SLC8A1: variants seen among roughly 807,000 people sequenced by gnomAD.
SLC8A1 encodes the protein sodium/calcium exchanger 1.
In SLC8A1, 18 loss-of-function variants were observed where a neutral mutation model predicts 68.3. The ratio of observed to expected loss-of-function variants is 0.26; its 90% CI spans 0.18 to 0.39. SLC8A1 has a LOEUF of 0.39. SLC8A1 is among the 10% of genes least tolerant of loss of function. SLC8A1 has a pLI of 1.00. For missense variants in SLC8A1, 985 were observed against 1,156.7 expected, an observed-to-expected ratio of 0.85 and a Z score of 2.15; for synonymous variants, 475 against 415.5, an observed-to-expected ratio of 1.14 and a Z score of -1.74.
intron 2 of SLC8A1, among the ~76,000 whole-genome samples, chr2:40,320,648 GAA>G (rs1461921809): frequency 1.3e-5 from 2 of 152,118 alleles, no homozygotes; most frequent in Non-Finnish European, 2.9e-5. Context: ...TCACTGTTAA[GAA>G]AAGTGTTAAG....
In SLC8A1 at chr2:40,488,700, A is replaced by G. The variant is rs538864286; in HGVS notation, c.-25+23649T>C. ...CCACCTGAAATCGTCTTGGATTTTA[A>G]AGGTTATTTAAATTCACATGAGTTC... On this transcript the variant is annotated intron_variant, in intron 1 of 7. Transcript: ENST00000402441. Among the ~76,000 whole-genome samples, 79 of 152,254 alleles carry G rather than the reference A, an allele frequency of 5.2e-4. 1 individual carries two copies. The highest frequency in any genetic ancestry group is 8.2e-4 in the Non-Finnish European group (56 of 68,010).
intron 7 of SLC8A1, among the ~76,000 whole-genome samples, chr2:40,118,772 G>A (rs1354350565): frequency 6.6e-6 from 1 of 151,982 alleles, no homozygotes; most frequent in Non-Finnish European, 1.5e-5. Flanking sequence ...CTGGCTGGTG[G>A]TGAACAGATG....
intron 2 of SLC8A1, among the ~76,000 whole-genome samples, chr2:40,284,824 A>G (rs1298921311): frequency 6.6e-6 from 1 of 151,992 alleles, no homozygotes; most frequent in Non-Finnish European, 1.5e-5. Context: ...GGTTTATGCA[A>G]TTGAGCAGTA....
intron 2 of SLC8A1, among the ~76,000 whole-genome samples, chr2:40,251,978 G>A (rs866689094): frequency 1.3e-5 from 2 of 151,662 alleles, no homozygotes; most frequent in South Asian, 4.2e-4. Flanking sequence ...CTATTATAAA[G>A]TTTAGTGAGA....
chr2:40,466,538 T>C (rs1474775744), intron 1 of SLC8A1, among the ~76,000 whole-genome samples: 1 of 152,326 alleles, frequency 6.6e-6, no homozygotes, highest in East Asian at 1.9e-4. Flanking sequence ...TAGGTGCTGG[T>C]AAATCCACAA....
intron 6 of SLC8A1, among the ~76,000 whole-genome samples, chr2:40,151,258 G>C (rs1254030416): frequency 7.5e-6 from 1 of 132,682 alleles, no homozygotes; most frequent in Non-Finnish European, 1.6e-5. Context: ...AACATGGCGT[G>C]TGTATGGTGC....
chr2:40,338,480 G>A (rs900910829), intron 2 of SLC8A1, among the ~76,000 whole-genome samples: 2 of 152,096 alleles, frequency 1.3e-5, no homozygotes, highest in Non-Finnish European at 2.9e-5. Context: ...ATTACTCTGA[G>A]ATAAAATGCA....
intron 7 of SLC8A1, among the ~76,000 whole-genome samples, chr2:40,128,172 A>T (rs1189409840): frequency 6.6e-6 from 1 of 152,210 alleles, no homozygotes; most frequent in Non-Finnish European, 1.5e-5. Context: ...AGATATTAAA[A>T]TTTTTTATGG....
Position 40,361,887 on chromosome 2 carries a change from C to CTTTTTTTTTTT in SLC8A1, c.1808+66575_1808+66585dup, listed in dbSNP as rs1172909749. On this transcript the variant is annotated intron_variant, in intron 2 of 7. Coordinates refer to ENST00000406785, the Ensembl canonical transcript of SLC8A1. The stretch of plus-strand genomic sequence containing the variant: ...GTCAGATGTTTATATCTTTTCTTTC[C>CTTTTTTTTTTT]TTTTTTTTTTTTTTTTTTTTTTTTT... Among the ~76,000 whole-genome samples, 77 of 53,132 alleles carry CTTTTTTTTTTT rather than the reference C, an allele frequency of 1.4e-3. 9 individuals carry two copies. The highest frequency in any genetic ancestry group is 4.1e-3 in the South Asian group (6 of 1,466). The allele number at this position is 53,132 out of a possible 152,430, so 34.9% of individuals were successfully genotyped here.
intron 6 of SLC8A1, among the ~76,000 whole-genome samples, chr2:40,159,199 C>CTT (rs1420410458): frequency 2.0e-5 from 3 of 152,184 alleles, no homozygotes; most frequent in Non-Finnish European, 4.4e-5. Context: ...CTATGACAAA[C>CTT]TTATCATCAT....
At chr2:40,415,671 CTTA>C (rs1384627489) in intron 2 of SLC8A1, among the ~76,000 whole-genome samples, 1 of 152,008 alleles carries the variant, frequency 6.6e-6, no homozygotes, top group East Asian at 1.9e-4. Context: ...CTAATGCTCT[CTTA>C]TTCCACTTGT....
At chr2:40,189,564 C>G (rs1396145602) in intron 2 of SLC8A1, among the ~76,000 whole-genome samples, 6 of 152,184 alleles carry the variant, frequency 3.9e-5, no homozygotes, top group Non-Finnish European at 8.8e-5. Flanking sequence ...ACCACCCACC[C>G]CAGCCTCCCA....
intron 2 of SLC8A1, among the ~76,000 whole-genome samples, chr2:40,329,191 C>T (rs1187757450): frequency 1.3e-5 from 2 of 152,108 alleles, no homozygotes; most frequent in Non-Finnish European, 1.5e-5. Flanking sequence ...TGAATACTCT[C>T]ATATTCTCTG....
intron 1 of SLC8A1, among the ~76,000 whole-genome samples, chr2:40,482,834 A>G (rs1298069717): frequency 2.9e-5 from 4 of 137,970 alleles, no homozygotes; most frequent in African/African-American, 8.3e-5. Flanking sequence ...TCTGTAGCCC[A>G]GGTTGGAGTG....
At chr2:40,370,871 C>A (rs1677796422) in intron 2 of SLC8A1, among the ~76,000 whole-genome samples, 1 of 152,058 alleles carries the variant, frequency 6.6e-6, no homozygotes, top group African/African-American at 2.4e-5. Context: ...TAACTGGAGA[C>A]ACTGAGAAAG....
intron 1 of SLC8A1, among the ~76,000 whole-genome samples, chr2:40,493,252 A>T (rs1184311391): frequency 6.6e-6 from 1 of 150,670 alleles, no homozygotes; most frequent in Non-Finnish European, 1.5e-5. Flanking sequence ...AGAACAAAAA[A>T]CCAAACACCG....
upstream of SLC8A1, chr2:40,453,326 G>C (rs1047307698): frequency 6.6e-6 from 1 of 152,206 alleles, no homozygotes; most frequent in Non-Finnish European, 1.5e-5. Flanking sequence ...GCAGCTACTT[G>C]GGGAAGGTGG....
chr2:40,200,231 T>TATATAA lies in SLC8A1; in HGVS notation c.1809-22377_1809-22376insTTATAT, dbSNP rs2054026202. Among the ~76,000 whole-genome samples, 5 of 14,672 alleles carry TATATAA rather than the reference T, an allele frequency of 3.4e-4. 1 individual carries two copies. The highest frequency in any genetic ancestry group is 6.6e-4 in the Non-Finnish European group (5 of 7,558). 9.6% of individuals were successfully genotyped at this position (14,672 alleles called of 152,430 possible). ...AAATATATATATATTTTTTTATATA[T>TATATAA]ATATATAAATATATATATATATATA... is the stretch of plus-strand genomic sequence containing the variant. On this transcript the variant is annotated intron_variant, in intron 2 of 7. Coordinates refer to ENST00000406785, the Ensembl canonical transcript of SLC8A1.
At chr2:40,181,723 G>A (rs1358670136) in intron 2 of SLC8A1, among the ~76,000 whole-genome samples, 1 of 152,182 alleles carries the variant, frequency 6.6e-6, no homozygotes, top group Non-Finnish European at 1.5e-5. Context: ...AAATCAGAAG[G>A]CACTGGTAAT....
Sources: allele counts gnomAD v4.1 joint callset (sites outside exome capture counted in the v4.1 genomes callset), GRCh38; gene constraint gnomAD v4.1.1; transcripts MANE v1.5; gene names NCBI Gene and HGNC (gene_info 2026-07-23, HGNC 2026-07-21).